CECR2: variants seen among roughly 807,000 people sequenced by gnomAD.
CECR2 encodes chromatin remodeling regulator CECR2.
In CECR2, 30 loss-of-function variants were observed where a neutral mutation model predicts 154.5. The observed-to-expected ratio is 0.19, with a 90% CI of 0.15 to 0.26. CECR2 has a LOEUF of 0.26. Among genes scored for constraint, CECR2 ranks in the 10% least tolerant of loss-of-function variants. CECR2 has a pLI of 1.00. For synonymous variants in CECR2, 725 were observed against 683.7 expected (o/e 1.06, Z -0.94); for missense variants, 1,743 against 1,829.3 (o/e 0.95, Z 0.86).
chr22:17,511,900 AGT>A lies in CECR2; in HGVS notation c.954+8_954+9del. 6.2e-7 allele frequency: 1 copy of A among 1,607,218 alleles called. No individual in the cohort carries two copies. Among genetic ancestry groups the A allele is most frequent in the Non-Finnish European group, 8.5e-7 (1 of 1,175,654 alleles). On this transcript the variant is annotated splice_donor_5th_base_variant and intron_variant, in intron 8 of 18. Transcript: ENST00000262608. ...CATCAAACCCGTCAAGCAAGAGGTG[AGT>A]GTGGGTGAGAGTAGCGAGGAGGAGC...
chr22:17,382,174 G>A (rs542512360), intron 1 of CECR2, among the ~76,000 whole-genome samples: 266 of 151,986 alleles, frequency 1.8e-3, no homozygotes, highest in Middle Eastern at 0.01. Context: ...ACAGGCGTGA[G>A]CCACTGTGCC....
chr22:17,363,571 G>A (rs1475497231), intron 1 of CECR2, among the ~76,000 whole-genome samples: 1 of 152,048 alleles, frequency 6.6e-6, no homozygotes, highest in Non-Finnish European at 1.5e-5. Context: ...TCGAACTCCT[G>A]ACCTCAGGTG....
intron 9 of CECR2, among the ~76,000 whole-genome samples, chr22:17,529,205 G>A (rs1271572507): frequency 6.6e-6 from 1 of 152,216 alleles, no homozygotes; most frequent in African/African-American, 2.4e-5. Context: ...GCAGAGGCAC[G>A]GAGGCAGGGA....
At chr22:17,386,425 C>A (rs2063262034) in intron 1 of CECR2, among the ~76,000 whole-genome samples, 1 of 152,160 alleles carries the variant, frequency 6.6e-6, no homozygotes. Flanking sequence ...TTAAATTAAT[C>A]TCAGTTCCTT....
At chr22:17,533,147 C>A (rs917929570) in intron 9 of CECR2, among the ~76,000 whole-genome samples, 1 of 151,184 alleles carries the variant, frequency 6.6e-6, no homozygotes, top group African/African-American at 2.4e-5. Context: ...GAAACCCCGT[C>A]TCTACTAAAA....
Position 17,548,441 on chromosome 22 carries a change from C to T in CECR2, c.3154C>T (p.Leu1052=), listed in dbSNP as rs371779588. Residue 1052 remains leucine (L), a synonymous_variant, in exon 17 of 19, where the codon CTA becomes TTA. Transcript: ENST00000262608. ...CTCCACGGTGGCAGACAGGGGCGCT[C>T]TATCCGAGAACGGAGTCATTGGGGA... ...DLSTVADRGA[L]SENGVIGEAS... is the part of the protein sequence containing the mutation. 1.2e-6 allele frequency: 2 copies of T among 1,613,876 alleles called. No homozygotes were observed. Among genetic ancestry groups the T allele is most frequent in the African/African-American group, 2.7e-5 (2 of 74,934 alleles).
intron 1 of CECR2, among the ~76,000 whole-genome samples, chr22:17,469,125 T>C (rs1244570778): frequency 6.6e-6 from 1 of 151,976 alleles, no homozygotes; most frequent in East Asian, 1.9e-4. Context: ...GTGAGTGTGG[T>C]AGGTTCCTGT....
intron 1 of CECR2, among the ~76,000 whole-genome samples, chr22:17,410,551 G>A (rs971663571): frequency 1.3e-5 from 2 of 151,928 alleles, no homozygotes; most frequent in Non-Finnish European, 2.9e-5. Flanking sequence ...GAATTCAAAC[G>A]ATTCTCCTGC....
chr22:17,499,181 G>GACAA (rs2055690553), intron 3 of CECR2, among the ~76,000 whole-genome samples: 2 of 151,554 alleles, frequency 1.3e-5, no homozygotes, highest in African/African-American at 4.9e-5. Flanking sequence ...AGTAGAGGTG[G>GACAA]GGTTTCACCA....
chr22:17,497,943 TTTGA>T (rs1419281647), intron 3 of CECR2, among the ~76,000 whole-genome samples: 4 of 152,156 alleles, frequency 2.6e-5, no homozygotes, highest in African/African-American at 9.7e-5. Context: ...AGGGTGTAAA[TTTGA>T]TTGAAATATT....
At chr22:17,499,236 G>A (rs191907829) in intron 3 of CECR2, among the ~76,000 whole-genome samples, 174 bp from the exon 4 acceptor site, 13 of 152,186 alleles carry the variant, frequency 8.5e-5, no homozygotes, top group Admixed American at 3.9e-4. Context: ...TGATTTGCCC[G>A]CCTCAGCCTC....
At position 17,530,534 on chromosome 22, in the gene CECR2, G is replaced by A. The variant is rs555954582; in HGVS notation, c.1108+6263G>A. ...TAAAAATACAAAAAAAAAATTAGCC[G>A]GGCATGGTGGCGTGCACCTGTAGTC... On this transcript the variant is annotated intron_variant, in intron 9 of 18. Coordinates refer to ENST00000262608, the MANE Select transcript of CECR2 (RefSeq NM_001290047.2). Among the ~76,000 whole-genome samples the A allele has an allele frequency of 8.6e-5, 13 of 151,984 alleles. No homozygotes were observed. The South Asian group carries it at 1.2e-3, about 15-fold the overall frequency.
Position 17,446,716 on chromosome 22 carries a change from A to AAAAAC in CECR2, c.127-30857_127-30853dup, listed in dbSNP as rs935449609. On this transcript the variant is annotated intron_variant, in intron 1 of 18. Coordinates refer to ENST00000262608, the MANE Select transcript of CECR2 (RefSeq NM_001290047.2). Reference sequence around the variant, plus strand: ...GGGTGACAGAGCGAGACTTTGTCTCAAAAACAAAACAAAACAAAAAGGTGG... The same window carrying AAAAAC: ...GGGTGACAGAGCGAGACTTTGTCTCAAAAACAAAACAAAACAAAACAAAAAGGTGG... Among the ~76,000 whole-genome samples the AAAAAC allele has an allele frequency of 1.2e-4, 18 of 148,618 alleles. No individual in the cohort carries two copies. In the South Asian group the frequency reaches 2.4e-3, roughly 20 times the overall value.
At chr22:17,509,593 T>A (rs1006142143) in intron 7 of CECR2, among the ~76,000 whole-genome samples, 2 of 152,102 alleles carry the variant, frequency 1.3e-5, no homozygotes, top group African/African-American at 4.8e-5. Context: ...CACGCCCAGT[T>A]AATTTTTTAA....
intron 1 of CECR2, among the ~76,000 whole-genome samples, chr22:17,393,845 G>A (rs2053766372): frequency 6.7e-6 from 1 of 149,640 alleles, no homozygotes; most frequent in African/African-American, 2.5e-5. Context: ...AAAATGGGCT[G>A]TTTGTATTTT....
rs188440017 is a variant in CECR2, at chr22:17,514,999, G to A, written c.954+3103G>A. ...GATCGCACCACTGCACTCCAGCCTG[G>A]GCGACAGAGCAAGACTCCGTCTCAA... On this transcript the variant is annotated intron_variant, in intron 8 of 18. Transcript: ENST00000262608. Among the ~76,000 whole-genome samples, 603 of 151,044 alleles carry A rather than the reference G, an allele frequency of 4.0e-3. 2 individuals carry two copies. Among genetic ancestry groups the A allele is most frequent in the African/African-American group, 0.014 (574 of 41,108 alleles).
intron 9 of CECR2, among the ~76,000 whole-genome samples, chr22:17,530,699 C>A (rs982319967): frequency 2.8e-5 from 4 of 144,530 alleles, no homozygotes; most frequent in Admixed American, 6.7e-5. Flanking sequence ...AAAAAAAAAA[C>A]AACAGAAGGC....
Position 17,369,676 on chromosome 22 carries a change from C to T in CECR2, c.-108C>T, listed in dbSNP as rs2063030971. Reference sequence around the variant, plus strand: ...CAGCAGCGGGAGGAGCGCCCCGCCGCCCCCGCCGAGGACCGCGCGGAGGCT... The same window carrying T: ...CAGCAGCGGGAGGAGCGCCCCGCCGTCCCCGCCGAGGACCGCGCGGAGGCT... On this transcript the variant is annotated 5_prime_UTR_variant, in exon 1 of 19. Coordinates refer to ENST00000262608, the MANE Select transcript of CECR2 (RefSeq NM_001290047.2). The T allele has an allele frequency of 1.4e-5, 2 of 147,852 alleles. No individual in the cohort carries two copies. The highest frequency in any genetic ancestry group is 4.1e-4 in the South Asian group (2 of 4,856). The allele number at this position is 147,852 out of a possible 1,614,324, so 9.2% of individuals were successfully genotyped here.
chr22:17,487,646 C>T (rs987269702), intron 2 of CECR2, among the ~76,000 whole-genome samples: 1 of 152,122 alleles, frequency 6.6e-6, no homozygotes, highest in Non-Finnish European at 1.5e-5. Context: ...GAGCCGAGAT[C>T]GCGCCATGCA....
Sources: allele counts gnomAD v4.1 joint callset (sites outside exome capture counted in the v4.1 genomes callset), GRCh38; gene constraint gnomAD v4.1.1; transcripts MANE v1.5; gene names NCBI Gene and HGNC (gene_info 2026-07-23, HGNC 2026-07-21).